Variants in AGMO observed in about 807,000 individuals in gnomAD.
AGMO encodes alkylglycerol monooxygenase, also known as glyceryl-ether monooxygenase.
Under a neutral mutation model 60.2 loss-of-function variants are expected in AGMO, and 75 were observed. The observed-to-expected ratio is 1.25, with a 90% confidence interval of 1.03 to 1.51. The LOEUF is 1.51. Among genes scored for constraint, AGMO ranks in the 40% most tolerant of loss-of-function variants. The probability of loss-of-function intolerance (pLI) is 0.00; values close to 1 mark genes in which losing one functional copy is unlikely to be tolerated. For synonymous variants in AGMO, 261 were observed against 177.1 expected (o/e 1.47, Z -3.76); for missense variants, 763 against 525.5 (o/e 1.45, Z -4.42).
intron 12 of AGMO, among the ~76,000 whole-genome samples, chr7:15,292,674 T>G (rs114059923): frequency 0.015 from 2,226 of 151,186 alleles, 65 homozygotes; most frequent in African/African-American, 0.05. Context: ...CAAAGAAGAA[T>G]GTAAATATTA....
intron 12 of AGMO, among the ~76,000 whole-genome samples, chr7:15,264,956 A>G (rs1353707433): frequency 6.6e-6 from 1 of 152,118 alleles, no homozygotes; most frequent in Admixed American, 6.6e-5. Flanking sequence ...AGAATAATTC[A>G]TTCTATCAAG....
intron 5 of AGMO, among the ~76,000 whole-genome samples, chr7:15,395,796 G>C (rs1002614514): frequency 1.1e-4 from 17 of 152,164 alleles, no homozygotes; most frequent in Non-Finnish European, 2.9e-5. Context: ...CTAAGTCTCA[G>C]ACATATCTCT....
intron 3 of AGMO, among the ~76,000 whole-genome samples, chr7:15,521,596 A>C (rs1021529402): frequency 6.6e-6 from 1 of 152,098 alleles, no homozygotes; most frequent in Admixed American, 6.6e-5. Context: ...ATGACAAAAA[A>C]CACATGATTA....
At chr7:15,293,569 C>T (rs951667680) in intron 12 of AGMO, among the ~76,000 whole-genome samples, 1 of 152,066 alleles carries the variant, frequency 6.6e-6, no homozygotes, top group Non-Finnish European at 1.5e-5. Flanking sequence ...CAAAAACTAC[C>T]AGGGTACTAG....
intron 5 of AGMO, among the ~76,000 whole-genome samples, chr7:15,406,290 G>GTA (rs1209659596): frequency 2.1e-5 from 3 of 141,156 alleles, no homozygotes; most frequent in Non-Finnish European, 4.6e-5. Context: ...ACATATGTGT[G>GTA]TATATATATG....
At chr7:15,558,024 C>G (rs547918574) in intron 2 of AGMO, among the ~76,000 whole-genome samples, 3 of 151,782 alleles carry the variant, frequency 2.0e-5, no homozygotes, top group South Asian at 4.2e-4. Flanking sequence ...TCTCTCCCCC[C>G]TTTCCCCTTT....
At chr7:15,319,281 G>A (rs914690676) in intron 12 of AGMO, among the ~76,000 whole-genome samples, 1 of 152,124 alleles carries the variant, frequency 6.6e-6, no homozygotes, top group Non-Finnish European at 1.5e-5. Context: ...AGTAGGAAAT[G>A]GGAAAGGACA....
intron 12 of AGMO, among the ~76,000 whole-genome samples, chr7:15,314,798 T>G (rs879836190): frequency 3.3e-5 from 5 of 152,080 alleles, no homozygotes; most frequent in Admixed American, 1.3e-4. Flanking sequence ...CATCCTAAAT[T>G]ATCTAGGTAC....
At chr7:15,419,513 T>C (rs546522182) in intron 4 of AGMO, among the ~76,000 whole-genome samples, 1 of 152,136 alleles carries the variant, frequency 6.6e-6, no homozygotes, top group African/African-American at 2.4e-5. Flanking sequence ...AAATATTTCT[T>C]CTGAGTATTA....
At chr7:15,227,102 T>C (rs1449037892) in intron 12 of AGMO, among the ~76,000 whole-genome samples, 1 of 152,100 alleles carries the variant, frequency 6.6e-6, no homozygotes, top group African/African-American at 2.4e-5. Flanking sequence ...GTTTTTTTCT[T>C]GCTTAATTGA....
At chr7:15,161,000 A>G in the AGMO span, among the ~76,000 whole-genome samples, 4 of 152,192 alleles carry the variant, frequency 2.6e-5, no homozygotes, top group East Asian at 7.7e-4. Flanking sequence ...TGAAAGAGAG[A>G]TAGAAAACAG....
intron 12 of AGMO, among the ~76,000 whole-genome samples, chr7:15,283,424 G>T (rs538242478): frequency 6.6e-6 from 1 of 151,974 alleles, no homozygotes; most frequent in East Asian, 1.9e-4. Flanking sequence ...AATGTAAGCA[G>T]GAGTAGCTGT....
At chr7:15,303,045 G>T (rs929899566) in intron 12 of AGMO, among the ~76,000 whole-genome samples, 1 of 152,040 alleles carries the variant, frequency 6.6e-6, no homozygotes, top group Admixed American at 6.6e-5. Flanking sequence ...AAACCCAGGA[G>T]GAACAATCCA....
At chr7:15,342,801 A>C (rs66906885) in intron 12 of AGMO, among the ~76,000 whole-genome samples, 1,102 of 107,712 alleles carry the variant, frequency 0.01, 41 homozygotes, top group African/African-American at 0.03. Flanking sequence ...AAAAAAAAAA[A>C]AAAATTGATC....
intron 3 of AGMO, among the ~76,000 whole-genome samples, chr7:15,473,277 G>A (rs1782497281): frequency 2.0e-5 from 3 of 151,668 alleles, no homozygotes; most frequent in South Asian, 2.1e-4. Context: ...ACCAAAAAAC[G>A]CCTAGGATCA....
chr7:15,181,684 C>A, the AGMO span, among the ~76,000 whole-genome samples: 4 of 152,026 alleles, frequency 2.6e-5, no homozygotes, highest in South Asian at 8.3e-4. Flanking sequence ...TTCACTATAA[C>A]GGAAAAATTC....
intron 3 of AGMO, among the ~76,000 whole-genome samples, chr7:15,495,582 C>G (rs561830097): frequency 2.6e-4 from 39 of 152,300 alleles, no homozygotes; most frequent in African/African-American, 8.9e-4. Flanking sequence ...CTTCCCATGT[C>G]TCAGTTTTTC....
At chr7:15,301,678 G>C (rs543393219) in intron 12 of AGMO, among the ~76,000 whole-genome samples, 1 of 152,040 alleles carries the variant, frequency 6.6e-6, no homozygotes, top group African/African-American at 2.4e-5. Context: ...GAGGATAATA[G>C]AAATGTTTTA....
chr7:15,313,289 C>G (rs553670515), intron 12 of AGMO, among the ~76,000 whole-genome samples: 1 of 152,266 alleles, frequency 6.6e-6, no homozygotes, highest in South Asian at 2.1e-4. Flanking sequence ...ACACACGATG[C>G]TAAACATTTT....
Sources: allele counts gnomAD v4.1 joint callset (sites outside exome capture counted in the v4.1 genomes callset), GRCh38; gene constraint gnomAD v4.1.1; transcripts MANE v1.5; gene names NCBI Gene and HGNC (gene_info 2026-07-23, HGNC 2026-07-21).